CDH23: variants seen among roughly 807,000 people sequenced by gnomAD.
CDH23 encodes the protein cadherin related 23, also known as cadherin-23.
In CDH23, 189 loss-of-function variants were observed where a neutral mutation model predicts 317.1. The observed-to-expected ratio is 0.60, with a 90% confidence interval of 0.53 to 0.67. CDH23 has a LOEUF of 0.67. Ranked by LOEUF, CDH23 falls within the 30% of genes least tolerant of loss-of-function variation. The probability of loss-of-function intolerance (pLI) is 0.00; values close to 1 mark genes in which losing one functional copy is unlikely to be tolerated. For synonymous variants in CDH23, 1,839 were observed against 1,876.8 expected, an observed-to-expected ratio of 0.98 and a Z score of 0.52; for missense variants, 4,401 against 4,592.4, an observed-to-expected ratio of 0.96 and a Z score of 1.20.
chr10:71,579,815 C>T (rs1858498040), intron 9 of CDH23, among the ~76,000 whole-genome samples: 1 of 152,170 alleles, frequency 6.6e-6, no homozygotes. Flanking sequence ...GCAGGAGCCT[C>T]CCAGTGACCA....
At chr10:71,563,354 C>T (rs1446683853) in intron 6 of CDH23, among the ~76,000 whole-genome samples, 3 of 152,058 alleles carry the variant, frequency 2.0e-5, no homozygotes, top group Admixed American at 1.3e-4. Flanking sequence ...GCCTCCCAGG[C>T]CCCCAGGTGC....
chr10:71,646,313 C>T lies in CDH23; in HGVS notation c.1291-146C>T, dbSNP rs1028292915. On this transcript the variant is annotated intron_variant, in intron 13 of 69. Transcript: ENST00000224721. Reference sequence around the variant, plus strand: ...TCCCTAGAGCAATAACAGACGGGCTCGCAGTAGCACAGAGCTGGGATGGGC... The same window carrying T: ...TCCCTAGAGCAATAACAGACGGGCTTGCAGTAGCACAGAGCTGGGATGGGC... 5.4e-5 allele frequency: 68 copies of T among 1,269,480 alleles called. 1 individual carries two copies. In the East Asian group the frequency reaches 1.0e-3, roughly 19 times the overall value. 78.6% of individuals were successfully genotyped at this position (1,269,480 alleles called of 1,614,324 possible).
intron 1 of CDH23, among the ~76,000 whole-genome samples, chr10:71,423,186 A>ACG (rs1308268216): frequency 6.6e-6 from 1 of 152,150 alleles, no homozygotes; most frequent in African/African-American, 2.4e-5. Flanking sequence ...GTGTGCACAC[A>ACG]CACAGTGCAT....
intron 9 of CDH23, among the ~76,000 whole-genome samples, chr10:71,594,190 C>T (rs969650235): frequency 6.6e-6 from 1 of 152,090 alleles, no homozygotes; most frequent in Non-Finnish European, 1.5e-5. Context: ...ATGTTATCCC[C>T]CACCACAAAA....
intron 6 of CDH23, among the ~76,000 whole-genome samples, chr10:71,525,108 A>G (rs1854957495): frequency 6.6e-6 from 1 of 151,970 alleles, no homozygotes; most frequent in African/African-American, 2.4e-5. Flanking sequence ...GGGTTTCACC[A>G]TTTGGCCAGG....
chr10:71,803,827 A>G (rs1361330537), intron 55 of CDH23, among the ~76,000 whole-genome samples: 8 of 150,738 alleles, frequency 5.3e-5, no homozygotes, highest in Non-Finnish European at 1.2e-4. Context: ...AAAAAAAAAA[A>G]AAAAAAAAAA....
intron 14 of CDH23, among the ~76,000 whole-genome samples, chr10:71,652,635 C>T (rs1053624849): frequency 6.6e-6 from 1 of 152,186 alleles, no homozygotes; most frequent in Non-Finnish European, 1.5e-5. Flanking sequence ...AGGAGCCTAC[C>T]TTGGAGGATT....
At chr10:71,739,166 C>A in intron 35 of CDH23, among the ~76,000 whole-genome samples, 1 of 152,132 alleles carries the variant, frequency 6.6e-6, no homozygotes, top group African/African-American at 2.4e-5. Flanking sequence ...GCTTTGGAGA[C>A]AAAAGTGTGT....
At chr10:71,507,388 T>C (rs191865008) in intron 3 of CDH23, among the ~76,000 whole-genome samples, 4 of 152,308 alleles carry the variant, frequency 2.6e-5, no homozygotes. Flanking sequence ...TCTTTACAAA[T>C]AAATTAAACA....
At chr10:71,561,961 CG>C (rs150834271) in intron 6 of CDH23, among the ~76,000 whole-genome samples, 1,762 of 152,172 alleles carry the variant, frequency 0.012, 47 homozygotes, top group African/African-American at 0.041. Flanking sequence ...CCAAAGACCA[CG>C]GCTGCTCCTT....
At position 71,785,022 on chromosome 10, in the gene CDH23, T is replaced by C; in HGVS notation, c.5634T>C (p.Ala1878=). 6.2e-7 allele frequency: 1 copy of C among 1,614,090 alleles called. No individual in the cohort carries two copies. Among genetic ancestry groups the C allele is most frequent in the Non-Finnish European group, 8.5e-7 (1 of 1,179,890 alleles). ...SFVAHVLASD[A]DSGCNARLTF... Reference sequence around the variant, plus strand: ...TCGCCCATGTCCTGGCCAGTGACGCTGACAGTGGCTGCAATGCACGCCTCA... The same window carrying C: ...TCGCCCATGTCCTGGCCAGTGACGCCGACAGTGGCTGCAATGCACGCCTCA... The change falls in exon 43 of 70, where the codon GCT becomes GCC. Residue 1878 remains alanine (A), a synonymous_variant. Transcript: ENST00000224721.
At chr10:71,599,615 T>C (rs1417894206) in intron 9 of CDH23, among the ~76,000 whole-genome samples, 1 of 152,198 alleles carries the variant, frequency 6.6e-6, no homozygotes. Flanking sequence ...TTCATTGTGC[T>C]CTTGTCTCTA....
At position 71,802,995 on chromosome 10, in the gene CDH23, C is replaced by T. The variant is rs779975231; in HGVS notation, c.7580C>T (p.Ser2527Leu). The T allele has an allele frequency of 1.2e-5, 20 of 1,613,848 alleles. No homozygotes were observed. Among genetic ancestry groups the T allele is most frequent in the South Asian group, 4.4e-5 (4 of 91,090 alleles). Residue 2527 changes from serine (S) to leucine (L), a missense_variant, in exon 54 of 70, where the codon TCG (serine) becomes TTG (leucine). Around this residue, in one of 3 missense-constraint regions of CDH23, gnomAD observed 189 missense variants for 250.9 expected, o/e 0.75. Coordinates refer to ENST00000224721, the MANE Select transcript of CDH23 (RefSeq NM_022124.6). ...SVYENEPAGT[S>L]VITMMATDQD... is the part of the protein sequence containing the mutation. ...TATGAGAATGAGCCGGCGGGCACCT[C>T]GGTCATCACCATGATGGCCACTGAC... is the stretch of plus-strand genomic sequence containing the variant.
chr10:71,702,587 G>A lies in CDH23; in HGVS notation c.2626G>A (p.Val876Met). ...PPLKATSSATVFVNLLDLNDN... is the reference protein window; with the variant it reads ...PPLKATSSATMFVNLLDLNDN... ...TCTGAAAGCCACCAGCAGTGCCACA[G>A]TGTTTGTGAACCTCTTGGATCTCAA... The change falls in exon 24 of 70, where the codon GTG becomes ATG. Residue 876 changes from valine (V) to methionine (M), a missense_variant. Physicochemically the swap from Val to Met is conservative, Grantham distance 21 (BLOSUM62 1). Around this residue, in one of 3 missense-constraint regions of CDH23, gnomAD observed 3,068 missense variants for 3,203.3 expected, o/e 0.96. Transcript: ENST00000224721. 1 of 1,614,016 alleles carries A rather than the reference G, an allele frequency of 6.2e-7. No individual in the cohort carries two copies.
intron 9 of CDH23, among the ~76,000 whole-genome samples, chr10:71,610,370 T>C (rs1471917830): frequency 6.6e-6 from 1 of 152,242 alleles, no homozygotes; most frequent in Non-Finnish European, 1.5e-5. Flanking sequence ...GATGATCTCT[T>C]ATTTGCCTCA....
At chr10:71,585,584 T>C (rs1408147331) in intron 9 of CDH23, among the ~76,000 whole-genome samples, 3 of 152,190 alleles carry the variant, frequency 2.0e-5, no homozygotes, top group African/African-American at 7.2e-5. Flanking sequence ...ACAAACACGC[T>C]GGCCTGTTAT....
intron 9 of CDH23, among the ~76,000 whole-genome samples, chr10:71,602,892 G>A (rs1459846701): frequency 6.6e-6 from 1 of 152,176 alleles, no homozygotes; most frequent in East Asian, 1.9e-4. Context: ...ATGTCCACAA[G>A]CCCCAAATGA....
At chr10:71,723,980 T>A in intron 28 of CDH23, 65 bp from the exon 29 acceptor site, 1 of 1,536,930 alleles carries the variant, frequency 6.5e-7, no homozygotes. Flanking sequence ...AAAGGAACTC[T>A]AAAAACCTCT....
intron 38 of CDH23, among the ~76,000 whole-genome samples, chr10:71,764,355 G>A (rs934745276): frequency 2.0e-5 from 3 of 152,132 alleles, no homozygotes; most frequent in African/African-American, 7.2e-5. Context: ...CACACAGCAA[G>A]CAAGTGCTAG....
Sources: gnomAD v4.1 joint callset for allele counts (sites outside exome capture counted in the v4.1 genomes callset) on GRCh38, gnomAD v4.1.1 for gene constraint, gnomAD v4.1.1 regional missense constraint, MANE v1.5 for transcripts, NCBI Gene and HGNC (gene_info 2026-07-23, HGNC 2026-07-21) for gene names.